EEF1A2: variants seen among roughly 807,000 people sequenced by gnomAD.
EEF1A2 encodes eukaryotic translation elongation factor 1 alpha 2.
Under a neutral mutation model 39.3 loss-of-function variants are expected in EEF1A2, and 5 were observed. The ratio of observed to expected loss-of-function variants is 0.13; its 90% CI spans 0.07 to 0.27. The LOEUF is 0.27. EEF1A2 is among the 10% of genes least tolerant of loss of function. The pLI is 1.00. For missense variants in EEF1A2, 218 were observed against 681.4 expected (o/e 0.32, Z 7.57); for synonymous variants, 287 against 293.7 (o/e 0.98, Z 0.23).
At chr20:63,493,486 T>C (rs1231659111) in intron 4 of EEF1A2, among the ~76,000 whole-genome samples, 199 bp from the exon 5 acceptor site, 1 of 151,980 alleles carries the variant, frequency 6.6e-6, no homozygotes, top group Non-Finnish European at 1.5e-5. Flanking sequence ...GAGATCCCTC[T>C]TAAAAGGAGG....
At chr20:63,495,754 A>G (rs2082413442) in intron 3 of EEF1A2, 102 bp downstream of exon 3, 2 of 1,449,464 alleles carry the variant, frequency 1.4e-6, no homozygotes, top group South Asian at 2.7e-5. Context: ...CCTCACAGGA[A>G]GCACAGGAGA....
intron 5 of EEF1A2, among the ~76,000 whole-genome samples, chr20:63,492,518 GTGGA>G (rs1568996243): frequency 3.9e-5 from 1 of 25,932 alleles, no homozygotes; most frequent in African/African-American, 1.3e-4. Flanking sequence ...GGGTGGGGAG[GTGGA>G]TGGATGGATG....
intron 6 of EEF1A2, 86 bp from the exon 7 acceptor site, chr20:63,489,238 C>A (rs1303915583): frequency 1.1e-5 from 15 of 1,374,852 alleles, no homozygotes; most frequent in Middle Eastern, 2.2e-4. Flanking sequence ...GGCCCAGTCA[C>A]CGGCGCCCCT....
At chr20:63,492,419 T>C (rs2082390022) in intron 5 of EEF1A2, among the ~76,000 whole-genome samples, 1 of 136,634 alleles carries the variant, frequency 7.3e-6, no homozygotes, top group African/African-American at 3.0e-5. Context: ...GATGGATGGA[T>C]AGAGAGAAGG....
chr20:63,496,750 G>A (rs75227671), intron 2 of EEF1A2: 10,867 of 152,554 alleles, frequency 0.071, 526 homozygotes, highest in Non-Finnish European at 0.11. Flanking sequence ...GCCCAGTCTG[G>A]AGCAGACCCA....
At position 63,496,000 on chromosome 20, in the gene EEF1A2, C is replaced by G. The variant is rs760484799; in HGVS notation, c.180G>C (p.Leu60=). Residue 60 remains leucine (L), a synonymous_variant, in exon 3 of 8, where the codon CTG becomes CTC. Transcript: ENST00000217182. The stretch of plus-strand genomic sequence containing the variant: ...GCTCACGCTCCGCCTTCAGCTTGTC[C>G]AGCACCCAGGCATACTTGAAGGATC... ...GKGSFKYAWV[L]DKLKAERERG... is the part of the protein sequence containing the mutation. The G allele has an allele frequency of 6.8e-6, 11 of 1,612,816 alleles. No individual in the cohort carries two copies. Among genetic ancestry groups the G allele is most frequent in the Non-Finnish European group, 8.5e-6 (10 of 1,179,942 alleles).
At position 63,490,333 on chromosome 20, in the gene EEF1A2, G is replaced by A. The variant is rs2082372583; in HGVS notation, c.1029+146C>T. The stretch of plus-strand genomic sequence containing the variant: ...GCCCGCCTCGGCCTCTCAAAGTGCT[G>A]GGATTACAGGCGTGAACCACTGCGC... On this transcript the variant is annotated intron_variant, in intron 6 of 7. Coordinates refer to ENST00000217182, the MANE Select transcript of EEF1A2 (RefSeq NM_001958.5). The A allele has an allele frequency of 2.9e-6, 3 of 1,038,680 alleles. No homozygotes were observed. The South Asian group carries it at 4.9e-5, about 17-fold the overall frequency. The allele number at this position is 1,038,680 out of a possible 1,614,324, so 64.3% of individuals were successfully genotyped here. A position where few individuals can be genotyped will look rare whatever the true frequency, so the allele number is the denominator to read the frequency against.
At position 63,497,311 on chromosome 20, in the gene EEF1A2, A is replaced by C; in HGVS notation, c.144+309T>G. On this transcript the variant is annotated intron_variant, in intron 2 of 7. Coordinates refer to ENST00000217182, the MANE Select transcript of EEF1A2 (RefSeq NM_001958.5). The surrounding 1 kb of genome is among the most constrained non-coding windows in gnomAD (Gnocchi z 7.3). The stretch of plus-strand genomic sequence containing the variant: ...CCTGGGGGGAAGGGGGTAAGGCTCC[A>C]GCGCCCTCCAGCCCCAGCTCAACAT... The C allele has an allele frequency of 3.6e-6, 1 of 277,276 alleles. No individual in the cohort carries two copies. The allele number at this position is 277,276 out of a possible 1,614,324, so 17.2% of individuals were successfully genotyped here. A position where few individuals can be genotyped will look rare whatever the true frequency, so the allele number is the denominator to read the frequency against.
chr20:63,492,776 G>A (rs1178893001), intron 5 of EEF1A2, among the ~76,000 whole-genome samples: 2 of 145,138 alleles, frequency 1.4e-5, no homozygotes, highest in Non-Finnish European at 3.0e-5. Flanking sequence ...GTGGGGAGGT[G>A]GATAGATGGA....
chr20:63,498,571 C>A lies in EEF1A2; in HGVS notation c.-72+487G>T, dbSNP rs56300533. The A allele has an allele frequency of 0.067, 10,144 of 152,246 alleles. 602 individuals carry two copies. Among genetic ancestry groups the A allele is most frequent in the African/African-American group, 0.15 (6,180 of 41,416 alleles). The allele number at this position is 152,246 out of a possible 1,614,324, so 9.4% of individuals were successfully genotyped here. Reference sequence around the variant, plus strand: ...GGGGGTATAGGGGGCACCCTCCCTCCCCCCCTCCCTGTGACTCAGGACCCT... The same window carrying A: ...GGGGGTATAGGGGGCACCCTCCCTCACCCCCTCCCTGTGACTCAGGACCCT... On this transcript the variant is annotated intron_variant, in intron 1 of 7. Transcript: ENST00000217182. The surrounding 1 kb of genome is among the most constrained non-coding windows in gnomAD (Gnocchi z 4.1).
rs2082377985 is a variant in EEF1A2, at chr20:63,491,384, C to A, written c.773-649G>T. On this transcript the variant is annotated intron_variant, in intron 5 of 7. Transcript: ENST00000217182. ...GCTGCCACATGGGGGTCTTGTCCCC[C>A]CCCAGGCTACTGGGTCTCCACCCTC... 2.0e-5 allele frequency among the ~76,000 whole-genome samples: 3 copies of A among 152,210 alleles called. No homozygotes were observed. In the South Asian group the frequency reaches 6.2e-4, roughly 32 times the overall value.
chr20:63,489,096 G>A lies in EEF1A2; in HGVS notation c.1086C>T (p.Asp362=). Residue 362 remains aspartate (D), a synonymous_variant, in exon 7 of 8, where the codon GAC becomes GAT. Coordinates refer to ENST00000217182, the MANE Select transcript of EEF1A2 (RefSeq NM_001958.5). ...TGCAGGCGATGTGGGCTGTGTGGCA[G>A]TCGATGACCGGGGAGTAGCCGGCGC... is the stretch of plus-strand genomic sequence containing the variant. ...QISAGYSPVI[D]CHTAHIACKF... is the part of the protein sequence containing the mutation. The A allele has an allele frequency of 6.2e-7, 1 of 1,612,778 alleles. No homozygotes were observed. The highest frequency in any genetic ancestry group is 1.7e-5 in the Admixed American group (1 of 60,028).
intron 7 of EEF1A2, 102 bp from the exon 8 acceptor site, chr20:63,488,527 T>C: frequency 7.8e-7 from 1 of 1,285,272 alleles, no homozygotes; most frequent in Non-Finnish European, 9.9e-7. Flanking sequence ...GGGAATGTCC[T>C]CGGAACACGC....
chr20:63,491,041 C>T (rs896595029), intron 5 of EEF1A2, among the ~76,000 whole-genome samples: 3 of 152,210 alleles, frequency 2.0e-5, no homozygotes, highest in African/African-American at 7.2e-5. Context: ...CAGAGAGGGG[C>T]TGTCTGAACC....
In EEF1A2 at chr20:63,488,906, AC is replaced by A; in HGVS notation, c.1264+11del. On this transcript the variant is annotated intron_variant, in intron 7 of 7. Transcript: ENST00000217182. ...CCTGGGGGCTGCACCTCCCCGGACC[AC>A]CCCGGCTCACCGAGAGGCGGGTACT... The A allele has an allele frequency of 6.2e-7, 1 of 1,605,522 alleles. No individual in the cohort carries two copies.
At chr20:63,494,771 TC>T in intron 4 of EEF1A2, 33 bp downstream of exon 4, 6 of 1,586,990 alleles carry the variant, frequency 3.8e-6, no homozygotes, top group Non-Finnish European at 4.3e-6. Flanking sequence ...TCCAGCCAGC[TC>T]CCGTGGCCCG....
chr20:63,491,912 G>GGATGGAT (rs2082382964), intron 5 of EEF1A2, among the ~76,000 whole-genome samples: 2 of 138,500 alleles, frequency 1.4e-5, no homozygotes, highest in Admixed American at 7.1e-5. Flanking sequence ...ATGGATGGAT[G>GGATGGAT]GGGGGATAGA....
intron 7 of EEF1A2, among the ~76,000 whole-genome samples, 178 bp from the exon 8 acceptor site, chr20:63,488,603 C>T (rs1411797078): frequency 6.6e-6 from 1 of 151,810 alleles, no homozygotes; most frequent in Non-Finnish European, 1.5e-5. Flanking sequence ...GCGGCTGCTC[C>T]ACGGTCTGCG....
chr20:63,496,355 G>A (rs890415460), intron 2 of EEF1A2: 7 of 356,510 alleles, frequency 2.0e-5, no homozygotes, highest in East Asian at 5.5e-5. Context: ...CCCGGGCGAG[G>A]GCTCCCCTTT....
Sources: gnomAD v4.1 joint callset for allele counts (sites outside exome capture counted in the v4.1 genomes callset) on GRCh38, gnomAD v4.1.1 for gene constraint, Gnocchi (gnomAD v3.1) non-coding constraint, MANE v1.5 for transcripts, NCBI Gene and HGNC (gene_info 2026-07-23, HGNC 2026-07-21) for gene names.